TNS1: variants seen among roughly 807,000 people sequenced by gnomAD.
TNS1 encodes the protein tensin 1.
Under a neutral mutation model 168.6 loss-of-function variants are expected in TNS1, and 62 were observed. That is an observed-to-expected ratio of 0.37 (90% CI 0.30 to 0.45). The LOEUF is 0.45. TNS1 is among the 20% of genes least tolerant of loss of function. The probability of loss-of-function intolerance (pLI) is 1.00; values close to 1 mark genes in which losing one functional copy is unlikely to be tolerated. For synonymous variants in TNS1, 934 were observed against 933.2 expected (o/e 1.00, Z -0.02); for missense variants, 2,240 against 2,339.4 (o/e 0.96, Z 0.88).
At position 217,968,686 on chromosome 2, in the gene TNS1, T is replaced by G. The variant is rs139403858; in HGVS notation, c.186+10079A>C. Among the ~76,000 whole-genome samples, 703 of 152,126 alleles carry G rather than the reference T, an allele frequency of 4.6e-3. 6 individuals are homozygous for G. Among genetic ancestry groups the G allele is most frequent in the African/African-American group, 0.015 (606 of 41,478 alleles). On this transcript the variant is annotated intron_variant, in intron 3 of 32. Coordinates refer to ENST00000682258, the MANE Select transcript of TNS1 (RefSeq NM_001387777.1). ...TCATGAATCAGAAAACTCAAAATTG[T>G]TTTTTGGTGTTTTTTGTTTCCTGTT... is the stretch of plus-strand genomic sequence containing the variant.
At chr2:217,970,192 A>G (rs1312222326) in intron 3 of TNS1, among the ~76,000 whole-genome samples, 1 of 152,246 alleles carries the variant, frequency 6.6e-6, no homozygotes, top group African/African-American at 2.4e-5. Flanking sequence ...GAGGGAGCAC[A>G]GGCCTGCCAA....
At chr2:217,871,085 C>A (rs1301262777) in intron 18 of TNS1, among the ~76,000 whole-genome samples, 1 of 152,184 alleles carries the variant, frequency 6.6e-6, no homozygotes, top group Non-Finnish European at 1.5e-5. Context: ...ACACTAAGAT[C>A]CACCCCTCTT....
chr2:217,988,690 G>C (rs1178258962), intron 2 of TNS1, among the ~76,000 whole-genome samples: 1 of 152,162 alleles, frequency 6.6e-6, no homozygotes, highest in Non-Finnish European at 1.5e-5. Context: ...CAGACCTCTT[G>C]GGAGGAGGGT....
intron 3 of TNS1, among the ~76,000 whole-genome samples, chr2:217,946,969 T>TCACACACACACACACACACACACA (rs372012573): frequency 1.7e-5 from 2 of 118,808 alleles, no homozygotes; most frequent in Non-Finnish European, 1.6e-5. Flanking sequence ...TCTCTCTCTC[T>TCACACACACACACACACACACACA]CACACACACA....
intron 18 of TNS1, among the ~76,000 whole-genome samples, chr2:217,873,263 A>G (rs562688986): frequency 6.6e-6 from 1 of 152,382 alleles, no homozygotes; most frequent in Non-Finnish European, 1.5e-5. Context: ...CTATACCGCC[A>G]TACACACCAT....
At chr2:217,979,377 A>T (rs890018982) in intron 2 of TNS1, among the ~76,000 whole-genome samples, 2 of 152,026 alleles carry the variant, frequency 1.3e-5, no homozygotes, top group African/African-American at 4.8e-5. Flanking sequence ...AGTCTCACAC[A>T]CACAGATTCA....
At chr2:217,943,580 C>A (rs920947874) in intron 3 of TNS1, among the ~76,000 whole-genome samples, 1 of 152,200 alleles carries the variant, frequency 6.6e-6, no homozygotes, top group Non-Finnish European at 1.5e-5. Context: ...TGACTGGTTG[C>A]TCTCTCAGAG....
upstream of TNS1, among the ~76,000 whole-genome samples, chr2:218,013,732 G>A (rs1378965635): frequency 6.6e-6 from 1 of 152,124 alleles, no homozygotes; most frequent in Non-Finnish European, 1.5e-5. Context: ...ACAGAGTCCA[G>A]ACTGGCAAGG....
chr2:218,002,943 C>T lies in TNS1; in HGVS notation c.-71G>A, dbSNP rs767669029. On this transcript the variant is annotated 5_prime_UTR_variant, in exon 1 of 33. Transcript: ENST00000682258. ...GCCCCTGAAGCTAGAGTCCCCGCGG[C>T]GCTGGCAGAAGGGCTCTCTGAGTCC... 1.1e-5 allele frequency: 5 copies of T among 456,226 alleles called. No individual in the cohort carries two copies. Among genetic ancestry groups the T allele is most frequent in the Admixed American group, 2.4e-5 (1 of 42,538 alleles). The allele number at this position is 456,226 out of a possible 1,614,324, so 28.3% of individuals were successfully genotyped here.
At chr2:217,888,721 G>C (rs189822057) in intron 12 of TNS1, among the ~76,000 whole-genome samples, 54 of 152,320 alleles carry the variant, frequency 3.5e-4, no homozygotes, top group African/African-American at 1.2e-3. Flanking sequence ...GTCACCATGT[G>C]AGATTTGCCT....
intron 3 of TNS1, among the ~76,000 whole-genome samples, chr2:217,950,781 G>T (rs955956651): frequency 1.3e-5 from 2 of 150,886 alleles, no homozygotes; most frequent in Non-Finnish European, 2.9e-5. Flanking sequence ...TCACCCGCAC[G>T]GCCCTCTTCC....
intron 11 of TNS1, among the ~76,000 whole-genome samples, chr2:217,892,565 C>A (rs1235477486): frequency 6.6e-6 from 1 of 152,210 alleles, no homozygotes; most frequent in African/African-American, 2.4e-5. Context: ...ATAGATGAGA[C>A]AACTTCTAGA....
chr2:217,925,189 A>G (rs541623983), intron 3 of TNS1, among the ~76,000 whole-genome samples: 1 of 152,344 alleles, frequency 6.6e-6, no homozygotes, highest in East Asian at 1.9e-4. Context: ...TTCTCAAACC[A>G]AACCCCTTTT....
chr2:217,810,157 G>C, intron 29 of TNS1, 91 bp downstream of exon 29: 1 of 1,504,934 alleles, frequency 6.6e-7, no homozygotes, highest in East Asian at 2.3e-5. Flanking sequence ...TGGGCCTGGA[G>C]AGACCTCCAG....
chr2:217,895,506 C>T (rs916369886), intron 8 of TNS1, among the ~76,000 whole-genome samples: 22 of 152,202 alleles, frequency 1.4e-4, no homozygotes, highest in Admixed American at 5.9e-4. Flanking sequence ...CCACACCGAA[C>T]GGGAATCCAG....
intron 1 of TNS1, among the ~76,000 whole-genome samples, chr2:218,031,162 TATGA>T (rs796231786): frequency 2.6e-5 from 2 of 77,580 alleles, no homozygotes; most frequent in African/African-American, 4.5e-4. Flanking sequence ...TGAGCATGTC[TATGA>T]GTGTCTTGTG....
chr2:217,930,599 C>T (rs1235487813), intron 3 of TNS1, among the ~76,000 whole-genome samples: 1 of 152,156 alleles, frequency 6.6e-6, no homozygotes, highest in Non-Finnish European at 1.5e-5. Flanking sequence ...GGGCTGGAGC[C>T]CGAGAGTCCA....
At chr2:217,929,967 G>A (rs1176102054) in intron 3 of TNS1, among the ~76,000 whole-genome samples, 1 of 152,234 alleles carries the variant, frequency 6.6e-6, no homozygotes, top group Non-Finnish European at 1.5e-5. Context: ...ACATCCAGCA[G>A]TGTCACTTCT....
chr2:217,909,937 T>C (rs1453558560), intron 4 of TNS1, among the ~76,000 whole-genome samples: 3 of 152,282 alleles, frequency 2.0e-5, no homozygotes, highest in East Asian at 3.9e-4. Flanking sequence ...ATAAAGCACA[T>C]AAAGCACTTA....
Sources: allele counts gnomAD v4.1 joint callset (sites outside exome capture counted in the v4.1 genomes callset), GRCh38; gene constraint gnomAD v4.1.1; transcripts MANE v1.5; gene names NCBI Gene and HGNC (gene_info 2026-07-23, HGNC 2026-07-21).